Variants in MAPKAP1 observed in about 807,000 individuals in gnomAD.
MAPKAP1 encodes target of rapamycin complex 2 subunit MAPKAP1.
MAPKAP1 carries 20 observed loss-of-function variants against 65.7 expected under a neutral mutation model. That is an observed-to-expected ratio of 0.30 (90% CI 0.21 to 0.44). The LOEUF is 0.44. Ranked by LOEUF, MAPKAP1 falls within the 20% of genes least tolerant of loss-of-function variation. The pLI is 1.00. For synonymous variants in MAPKAP1, 222 were observed against 244.3 expected (o/e 0.91, Z 0.85); for missense variants, 423 against 648.0 (o/e 0.65, Z 3.77).
chr9:125,620,961 A>C (rs976595094), intron 4 of MAPKAP1, among the ~76,000 whole-genome samples: 2 of 152,160 alleles, frequency 1.3e-5, no homozygotes, highest in Non-Finnish European at 2.9e-5. Flanking sequence ...AAATTAAATA[A>C]TAAGATAAGA....
At position 125,526,514 on chromosome 9, in the gene MAPKAP1, T is replaced by C. The variant is rs544306824; in HGVS notation, c.958+16545A>G. Among the ~76,000 whole-genome samples, 3 of 152,340 alleles carry C rather than the reference T, an allele frequency of 2.0e-5. No individual in the cohort carries two copies. The South Asian group carries it at 6.2e-4, about 32-fold the overall frequency. The stretch of plus-strand genomic sequence containing the variant: ...AATCACAATACACTGACTATACTCA[T>C]ATAACATTTTGGTCTTAAAAAGTTT... On this transcript the variant is annotated intron_variant, in intron 7 of 11. Coordinates refer to ENST00000265960, the MANE Select transcript of MAPKAP1 (RefSeq NM_001006617.3).
intron 4 of MAPKAP1, among the ~76,000 whole-genome samples, chr9:125,651,165 G>A (rs1466114314): frequency 6.6e-6 from 1 of 152,060 alleles, no homozygotes; most frequent in African/African-American, 2.4e-5. Flanking sequence ...ATATGTAAAT[G>A]GTAGTGAATA....
At chr9:125,606,451 T>C (rs928684159) in intron 4 of MAPKAP1, among the ~76,000 whole-genome samples, 6 of 152,176 alleles carry the variant, frequency 3.9e-5, no homozygotes, top group African/African-American at 1.2e-4. Flanking sequence ...CTGACAGGTA[T>C]TGTGCCTTTC....
rs1832109160 is a variant in MAPKAP1 at position 125,595,843 on chromosome 9, T to C, written c.499-10116A>G. 8.9e-7 allele frequency: 1 copy of C among 1,126,140 alleles called. No individual in the cohort carries two copies. 69.8% of individuals were successfully genotyped at this position (1,126,140 alleles called of 1,614,324 possible). A position where few individuals can be genotyped will look rare whatever the true frequency, so the allele number is the denominator to read the frequency against. On this transcript the variant is annotated intron_variant, in intron 4 of 11. Coordinates refer to ENST00000265960, the MANE Select transcript of MAPKAP1 (RefSeq NM_001006617.3). The surrounding 1 kb of genome is among the most constrained non-coding windows in gnomAD (Gnocchi z 4.0). ...CCAAGCGTTCCGGGGGTTTTGGGTT[T>C]GTCACCTATGCCACTGTGGAGGAGG...
intron 4 of MAPKAP1, among the ~76,000 whole-genome samples, chr9:125,640,189 T>C (rs1379585672): frequency 1.3e-5 from 2 of 152,148 alleles, no homozygotes; most frequent in Non-Finnish European, 2.9e-5. Context: ...CTGCAAGCTC[T>C]GCCTCCTGAG....
At chr9:125,670,330 G>T (rs1834459661) in intron 2 of MAPKAP1, among the ~76,000 whole-genome samples, 2 of 151,914 alleles carry the variant, frequency 1.3e-5, no homozygotes, top group African/African-American at 4.8e-5. Context: ...AAAGATAAAT[G>T]AACTCAGACT....
chr9:125,527,272 T>C (rs1829800245), intron 7 of MAPKAP1, among the ~76,000 whole-genome samples: 1 of 152,118 alleles, frequency 6.6e-6, no homozygotes, highest in South Asian at 2.1e-4. Flanking sequence ...TTCACCATCT[T>C]GGCCAGGCTG....
At chr9:125,520,306 C>T (rs556241864) in intron 7 of MAPKAP1, among the ~76,000 whole-genome samples, 1 of 152,336 alleles carries the variant, frequency 6.6e-6, no homozygotes, top group African/African-American at 2.4e-5. Context: ...TGGGTTGCTG[C>T]TTCTGCTTTC....
chr9:125,511,993 A>G (rs1829314924), intron 7 of MAPKAP1, among the ~76,000 whole-genome samples: 1 of 152,230 alleles, frequency 6.6e-6, no homozygotes, highest in African/African-American at 2.4e-5. Context: ...GAGGGTTCCA[A>G]GTTATAATAC....
intron 7 of MAPKAP1, among the ~76,000 whole-genome samples, chr9:125,522,430 A>C (rs1286389401): frequency 2.6e-5 from 4 of 152,222 alleles, no homozygotes; most frequent in African/African-American, 4.8e-5. Flanking sequence ...TAGTCACTGT[A>C]GATATGAAGA....
intron 4 of MAPKAP1, among the ~76,000 whole-genome samples, chr9:125,607,835 T>C (rs1275981584): frequency 6.6e-6 from 1 of 152,198 alleles, no homozygotes; most frequent in Non-Finnish European, 1.5e-5. Flanking sequence ...TTTGTATTTT[T>C]AGTAGAGACG....
At chr9:125,580,037 C>T (rs916929791) in intron 5 of MAPKAP1, among the ~76,000 whole-genome samples, 2 of 152,174 alleles carry the variant, frequency 1.3e-5, no homozygotes, top group Non-Finnish European at 2.9e-5. Flanking sequence ...ATGAAAACAA[C>T]AGGTGCTGGA....
chr9:125,571,946 C>T (rs1156407507), intron 5 of MAPKAP1, among the ~76,000 whole-genome samples: 1 of 152,194 alleles, frequency 6.6e-6, no homozygotes, highest in Non-Finnish European at 1.5e-5. Context: ...GAGCTATTTA[C>T]AGCTTTTACC....
intron 3 of MAPKAP1, among the ~76,000 whole-genome samples, chr9:125,666,548 G>A (rs1369633230): frequency 6.6e-6 from 1 of 152,312 alleles, no homozygotes. Context: ...TGTGCCTGTA[G>A]TCCTAGCTCC....
intron 10 of MAPKAP1, among the ~76,000 whole-genome samples, chr9:125,461,995 C>T (rs186468450): frequency 2.8e-4 from 43 of 152,328 alleles, no homozygotes; most frequent in Non-Finnish European, 6.0e-4. Context: ...TAAAGTCATC[C>T]TCATTCCTCT....
chr9:125,682,469 T>C (rs1289110456), intron 1 of MAPKAP1, among the ~76,000 whole-genome samples: 1 of 152,220 alleles, frequency 6.6e-6, no homozygotes, highest in East Asian at 1.9e-4. Flanking sequence ...GTGCTAGCAA[T>C]AGCTGTGAAA....
At chr9:125,465,395 A>G (rs1252780484) in intron 10 of MAPKAP1, among the ~76,000 whole-genome samples, 3 of 152,242 alleles carry the variant, frequency 2.0e-5, no homozygotes, top group African/African-American at 4.8e-5. Context: ...GTTACCATTA[A>G]TCCTTTAAAT....
At chr9:125,527,361 C>T (rs540373018) in intron 7 of MAPKAP1, among the ~76,000 whole-genome samples, 12 of 152,208 alleles carry the variant, frequency 7.9e-5, no homozygotes, top group Admixed American at 1.3e-4. Flanking sequence ...CCACCGCGCC[C>T]GGGCCTCATA....
rs569972745 is a variant in MAPKAP1 at position 125,551,040 on chromosome 9, C to T, written c.849-7872G>A. On this transcript the variant is annotated intron_variant, in intron 6 of 11. Transcript: ENST00000265960. ...GCTTACATATTATAAAAGTGAATTG[C>T]GTATAAGAAACTTTACTGATGGGGT... Among the ~76,000 whole-genome samples the T allele has an allele frequency of 2.6e-5, 4 of 151,898 alleles. No homozygotes were observed. The South Asian group carries it at 6.3e-4, about 24-fold the overall frequency.
Sources: gnomAD v4.1 joint callset for allele counts (sites outside exome capture counted in the v4.1 genomes callset) on GRCh38, gnomAD v4.1.1 for gene constraint, Gnocchi (gnomAD v3.1) non-coding constraint, MANE v1.5 for transcripts, NCBI Gene and HGNC (gene_info 2026-07-23, HGNC 2026-07-21) for gene names.